CHST9: variants seen among roughly 807,000 people sequenced by gnomAD.
CHST9 encodes GalNAc-4-sulfotransferase 2.
CHST9 carries 41 observed loss-of-function variants against 44.4 expected under a neutral mutation model. The ratio of observed to expected loss-of-function variants is 0.92; its 90% CI spans 0.72 to 1.20. The LOEUF is 1.20. CHST9 is among the 50% of genes most tolerant of loss of function. CHST9 has a pLI of 0.00. For missense variants in CHST9, 504 were observed against 516.5 expected (o/e 0.98, Z 0.23); for synonymous variants, 171 against 178.4 (o/e 0.96, Z 0.33).
intron 4 of CHST9, among the ~76,000 whole-genome samples, chr18:26,957,789 A>G (rs1858935954): frequency 6.6e-6 from 1 of 152,138 alleles, no homozygotes; most frequent in Admixed American, 6.5e-5. Flanking sequence ...GCATATACTC[A>G]CACCTGTGCA....
intron 2 of CHST9, among the ~76,000 whole-genome samples, chr18:27,050,559 C>T (rs776020013): frequency 1.3e-5 from 2 of 152,162 alleles, no homozygotes; most frequent in African/African-American, 2.4e-5. Context: ...GTACAATCTT[C>T]CCTTATGTCG....
At chr18:26,979,203 C>T (rs1487082889) in intron 4 of CHST9, among the ~76,000 whole-genome samples, 1 of 152,088 alleles carries the variant, frequency 6.6e-6, no homozygotes, top group Admixed American at 6.5e-5. Flanking sequence ...TATCTTCTTG[C>T]TGGCAACCCC....
intron 5 of CHST9, among the ~76,000 whole-genome samples, chr18:26,943,570 C>T (rs1372195074): frequency 6.6e-6 from 1 of 152,142 alleles, no homozygotes; most frequent in African/African-American, 2.4e-5. Flanking sequence ...TGGGTGAAAC[C>T]CAAGCATATT....
At chr18:27,065,813 T>C (rs944813901) in intron 2 of CHST9, among the ~76,000 whole-genome samples, 5 of 152,192 alleles carry the variant, frequency 3.3e-5, no homozygotes, top group African/African-American at 1.2e-4. Context: ...AATTCTGCAT[T>C]ATGTTGGACC....
chr18:27,122,277 C>T (rs1406398909), intron 2 of CHST9, among the ~76,000 whole-genome samples: 1 of 152,180 alleles, frequency 6.6e-6, no homozygotes, highest in African/African-American at 2.4e-5. Context: ...TGGGTCTGTT[C>T]TTTCCACTAA....
At chr18:27,093,485 C>T (rs1260598980) in intron 2 of CHST9, among the ~76,000 whole-genome samples, 5 of 152,210 alleles carry the variant, frequency 3.3e-5, no homozygotes, top group Admixed American at 2.0e-4. Flanking sequence ...GCTGCCGTCT[C>T]GCAGATCGAT....
chr18:26,932,822 C>T (rs2055904355), intron 5 of CHST9, among the ~76,000 whole-genome samples: 1 of 152,144 alleles, frequency 6.6e-6, no homozygotes, highest in Non-Finnish European at 1.5e-5. Context: ...GTCAAGTTTC[C>T]ATATTCTAGG....
Position 26,917,117 on chromosome 18 carries a change from T to C in CHST9, c.474A>G (p.Leu158=), listed in dbSNP as rs748081800. Residue 158 remains leucine (L), a synonymous_variant, in exon 6 of 6, where the codon TTA becomes TTG. Coordinates refer to ENST00000618847, the MANE Select transcript of CHST9 (RefSeq NM_031422.6). ...TATTATCTTTGACTAAACTTTTGTT[T>C]AAAGGGTGAATGTCCACTGGCCAAT... ...NMNWPVDIHP[L]NKSLVKDNKW... 1 of 1,613,972 alleles carries C rather than the reference T, an allele frequency of 6.2e-7. No individual in the cohort carries two copies. Among genetic ancestry groups the C allele is most frequent in the Non-Finnish European group, 8.5e-7 (1 of 1,179,874 alleles).
intron 1 of CHST9, among the ~76,000 whole-genome samples, chr18:27,152,877 G>A (rs1456317736): frequency 1.2e-4 from 19 of 152,054 alleles, no homozygotes; most frequent in Admixed American, 1.0e-3. Context: ...TGTGTCTGAT[G>A]AGCTAAGATA....
At chr18:27,059,246 A>T (rs2057693222) in intron 2 of CHST9, among the ~76,000 whole-genome samples, 1 of 152,170 alleles carries the variant, frequency 6.6e-6, no homozygotes, top group Admixed American at 6.5e-5. Flanking sequence ...TAAACCATCA[A>T]TTGGGGTACC....
At chr18:27,014,454 A>AAAAG (rs2057124083) in intron 4 of CHST9, among the ~76,000 whole-genome samples, 1 of 21,092 alleles carries the variant, frequency 4.7e-5, no homozygotes, top group Non-Finnish European at 8.9e-5. Context: ...ACTCTGTCTC[A>AAAAG]AAAAAAAAAA....
At chr18:27,116,349 G>C (rs2081641) in intron 2 of CHST9, among the ~76,000 whole-genome samples, 122,779 of 152,044 alleles carry the variant, frequency 0.81, 49,885 homozygotes, top group East Asian at 0.92. Context: ...ATCCATTTAC[G>C]CCAGTATTAT....
At chr18:26,946,539 G>A (rs998359662) in intron 4 of CHST9, among the ~76,000 whole-genome samples, 3 of 152,220 alleles carry the variant, frequency 2.0e-5, no homozygotes, top group Non-Finnish European at 4.4e-5. Flanking sequence ...GTGGGAAACT[G>A]ACCATTAAGG....
intron 5 of CHST9, among the ~76,000 whole-genome samples, chr18:26,923,825 A>G (rs530093691): frequency 6.6e-6 from 1 of 152,340 alleles, no homozygotes; most frequent in East Asian, 1.9e-4. Context: ...AAAAGTGCTT[A>G]ATTTTTCTGG....
At chr18:26,985,919 T>A (rs1179731413) in intron 4 of CHST9, among the ~76,000 whole-genome samples, 1 of 152,230 alleles carries the variant, frequency 6.6e-6, no homozygotes, top group Non-Finnish European at 1.5e-5. Context: ...GACTGGTCAC[T>A]GTTTTAGATC....
intron 3 of CHST9, among the ~76,000 whole-genome samples, chr18:27,042,775 C>A (rs1007460225): frequency 1.7e-4 from 25 of 151,178 alleles, no homozygotes; most frequent in East Asian, 5.9e-4. Context: ...CTCTCTCTAT[C>A]TCTCTCTCTC....
At position 27,082,281 on chromosome 18, in the gene CHST9, G is replaced by T. The variant is rs566964219; in HGVS notation, c.122-33778C>A. ...TCATATTTTATACTTAAGCATAAAA[G>T]AAATTATAATATACTAACTTCAATG... On this transcript the variant is annotated intron_variant, in intron 2 of 5. Coordinates refer to ENST00000618847, the MANE Select transcript of CHST9 (RefSeq NM_031422.6). 4.1e-4 allele frequency among the ~76,000 whole-genome samples: 62 copies of T among 152,158 alleles called. 1 individual carries two copies. Among genetic ancestry groups the T allele is most frequent in the South Asian group, 2.1e-4 (1 of 4,826 alleles).
At chr18:26,995,437 C>CAA (rs11284514) in intron 4 of CHST9, among the ~76,000 whole-genome samples, 11 of 102,622 alleles carry the variant, frequency 1.1e-4, no homozygotes, top group Admixed American at 1.9e-4. Flanking sequence ...GACTCCGTCT[C>CAA]AAAAAAAAAA....
At chr18:26,963,358 A>G (rs570683046) in intron 4 of CHST9, among the ~76,000 whole-genome samples, 1 of 152,282 alleles carries the variant, frequency 6.6e-6, no homozygotes, top group South Asian at 2.1e-4. Context: ...CAGGATCTCC[A>G]AACTCCTAAA....
Sources: allele counts gnomAD v4.1 joint callset (sites outside exome capture counted in the v4.1 genomes callset), GRCh38; gene constraint gnomAD v4.1.1; transcripts MANE v1.5; gene names NCBI Gene and HGNC (gene_info 2026-07-23, HGNC 2026-07-21).